Variants in EFNA5 observed in about 807,000 individuals in gnomAD.
EFNA5 encodes the protein ephrin-A5.
EFNA5 carries 5 observed loss-of-function variants against 22.9 expected under a neutral mutation model. The observed-to-expected ratio is 0.22, with a 90% CI of 0.11 to 0.46. EFNA5 has a LOEUF of 0.46. EFNA5 is among the 20% of genes least tolerant of loss of function. The pLI is 0.99. For missense variants in EFNA5, 237 were observed against 293.3 expected, an observed-to-expected ratio of 0.81 and a Z score of 1.40; for synonymous variants, 113 against 112.2, an observed-to-expected ratio of 1.01 and a Z score of -0.04.
intron 1 of EFNA5, among the ~76,000 whole-genome samples, chr5:107,442,189 TC>T (rs35179247): frequency 0.24 from 36,541 of 151,942 alleles, 4,694 homozygotes; most frequent in East Asian, 0.53. Context: ...CCTTTTTTTT[TC>T]CCATTGATAC....
chr5:107,531,270 C>T (rs1290107914), intron 1 of EFNA5, among the ~76,000 whole-genome samples: 1 of 152,176 alleles, frequency 6.6e-6, no homozygotes, highest in Non-Finnish European at 1.5e-5. Context: ...TTAATTAACA[C>T]CTAGAATCCA....
chr5:107,380,647 A>G lies in EFNA5; in HGVS notation c.*608T>C, dbSNP rs1184402779. The G allele has an allele frequency of 2.5e-6, 1 of 392,598 alleles. No homozygotes were observed. The highest frequency in any genetic ancestry group is 4.4e-5 in the Admixed American group (1 of 22,502). 24.3% of individuals were successfully genotyped at this position (392,598 alleles called of 1,614,324 possible). A position where few individuals can be genotyped will look rare whatever the true frequency, so the allele number is the denominator to read the frequency against. On this transcript the variant is annotated 3_prime_UTR_variant, in exon 5 of 5. Coordinates refer to ENST00000333274, the MANE Select transcript of EFNA5 (RefSeq NM_001962.3). ...GTCAAGAATGCTTTAAGACAGTCAT[A>G]TTAAAAAAAAAAACCAGTGTCTCAA...
rs534580638 is a variant in EFNA5, at chr5:107,455,159, G to A, written c.126-27650C>T. On this transcript the variant is annotated intron_variant, in intron 1 of 4. Coordinates refer to ENST00000333274, the MANE Select transcript of EFNA5 (RefSeq NM_001962.3). ...ACATCTGGTCCCTGTCAGTGTCAAC[G>A]AGGTTTGTTGGATGTGGTGTCATGG... Among the ~76,000 whole-genome samples, 11 of 152,204 alleles carry A rather than the reference G, an allele frequency of 7.2e-5. 1 individual carries two copies. Among genetic ancestry groups the A allele is most frequent in the Admixed American group, 1.3e-4 (2 of 15,272 alleles).
At chr5:107,475,282 C>T (rs1377848645) in intron 1 of EFNA5, among the ~76,000 whole-genome samples, 1 of 152,166 alleles carries the variant, frequency 6.6e-6, no homozygotes, top group Non-Finnish European at 1.5e-5. Context: ...GCAACCCCAC[C>T]CTTGTGAGAT....
chr5:107,437,494 T>C (rs153114), intron 1 of EFNA5, among the ~76,000 whole-genome samples: 46,341 of 152,062 alleles, frequency 0.3, 7,331 homozygotes, highest in South Asian at 0.43. Context: ...ACTGAATTCA[T>C]CCAAAGTCAA....
At chr5:107,484,788 T>C (rs934297525) in intron 1 of EFNA5, among the ~76,000 whole-genome samples, 1 of 146,572 alleles carries the variant, frequency 6.8e-6, no homozygotes, top group Non-Finnish European at 1.5e-5. Context: ...ACTGTGATAG[T>C]TATGATTTTG....
intron 1 of EFNA5, among the ~76,000 whole-genome samples, chr5:107,651,006 T>TA (rs1750717128): frequency 6.6e-6 from 1 of 152,220 alleles, no homozygotes; most frequent in Non-Finnish European, 1.5e-5. Context: ...CAAAGAGGAA[T>TA]AAAAATGTGC....
intron 1 of EFNA5, among the ~76,000 whole-genome samples, chr5:107,530,829 T>C (rs898335927): frequency 2.6e-5 from 4 of 152,214 alleles, no homozygotes; most frequent in Admixed American, 2.6e-4. Context: ...TACTGTTTCA[T>C]GCTGTGACTG....
At chr5:107,591,849 TATATAATATAA>T in intron 1 of EFNA5, among the ~76,000 whole-genome samples, 8 of 84,578 alleles carry the variant, frequency 9.5e-5, no homozygotes, top group Non-Finnish European at 1.3e-4. Context: ...ATATAAAATA[TATATAATATAA>T]AAAATATATA....
At chr5:107,667,764 T>G (rs530512131) in intron 1 of EFNA5, among the ~76,000 whole-genome samples, 1 of 152,308 alleles carries the variant, frequency 6.6e-6, no homozygotes, top group South Asian at 2.1e-4. Context: ...TAGCAAAATT[T>G]TAACAGATAG....
At chr5:107,619,218 C>T (rs905207034) in intron 1 of EFNA5, among the ~76,000 whole-genome samples, 2 of 152,008 alleles carry the variant, frequency 1.3e-5, no homozygotes, top group African/African-American at 4.8e-5. Context: ...AGCCACCGCA[C>T]CCGGCCAGTT....
chr5:107,556,552 C>A (rs1193623202), intron 1 of EFNA5, among the ~76,000 whole-genome samples: 1 of 151,942 alleles, frequency 6.6e-6, no homozygotes, highest in Non-Finnish European at 1.5e-5. Flanking sequence ...TTGAGACCAG[C>A]CTGGACAACA....
At chr5:107,466,627 T>C (rs1749992236) in intron 1 of EFNA5, among the ~76,000 whole-genome samples, 1 of 152,176 alleles carries the variant, frequency 6.6e-6, no homozygotes, top group Non-Finnish European at 1.5e-5. Context: ...CTTTCTCACT[T>C]TCTGTCACAG....
At chr5:107,429,534 T>C (rs566130909) in intron 1 of EFNA5, among the ~76,000 whole-genome samples, 3 of 152,278 alleles carry the variant, frequency 2.0e-5, no homozygotes, top group South Asian at 4.1e-4. Context: ...AGAGACAACA[T>C]TGTGAAAAAG....
rs993578659 is a variant in EFNA5, at chr5:107,376,995, T to C, written c.*4260A>G. ...GGGTTTGTTTGTGTGTGGGTTTTTT[T>C]TTTTTACATTTTCTTTTACGTTTAT... On this transcript the variant is annotated 3_prime_UTR_variant, in exon 5 of 5. Coordinates refer to ENST00000333274, the MANE Select transcript of EFNA5 (RefSeq NM_001962.3). The C allele has an allele frequency of 6.6e-6, 1 of 151,964 alleles. No homozygotes were observed. The highest frequency in any genetic ancestry group is 1.5e-5 in the Non-Finnish European group (1 of 67,986). 9.4% of individuals were successfully genotyped at this position (151,964 alleles called of 1,614,324 possible).
intron 1 of EFNA5, among the ~76,000 whole-genome samples, chr5:107,655,502 T>C (rs925910230): frequency 6.6e-6 from 1 of 152,144 alleles, no homozygotes; most frequent in Non-Finnish European, 1.5e-5. Flanking sequence ...AGTATTTTTA[T>C]TACTAGTGGC....
intron 2 of EFNA5, among the ~76,000 whole-genome samples, chr5:107,420,865 T>C (rs1580439848): frequency 6.6e-6 from 1 of 152,332 alleles, no homozygotes; most frequent in South Asian, 2.1e-4. Flanking sequence ...ATCAATATTA[T>C]GGCTAAGCAG....
chr5:107,420,574 A>G (rs564779757), intron 2 of EFNA5, among the ~76,000 whole-genome samples: 1 of 94,292 alleles, frequency 1.1e-5, no homozygotes, highest in Non-Finnish European at 2.2e-5. Flanking sequence ...ACACGCAAAC[A>G]ACAACAACCA....
At chr5:107,488,870 T>C (rs957351372) in intron 1 of EFNA5, among the ~76,000 whole-genome samples, 1 of 151,874 alleles carries the variant, frequency 6.6e-6, no homozygotes, top group African/African-American at 2.4e-5. Context: ...TTTTTGTATT[T>C]TTTAGTAGAG....
Sources: allele counts gnomAD v4.1 joint callset (sites outside exome capture counted in the v4.1 genomes callset), GRCh38; gene constraint gnomAD v4.1.1; transcripts MANE v1.5; gene names NCBI Gene and HGNC (gene_info 2026-07-23, HGNC 2026-07-21).